Variants in PPP1R13B observed in about 807,000 individuals in gnomAD.
PPP1R13B encodes the protein apoptosis-stimulating of p53 protein 1.
Under a neutral mutation model 119.8 loss-of-function variants are expected in PPP1R13B, and 44 were observed. The observed-to-expected ratio is 0.37, with a 90% CI of 0.29 to 0.47. PPP1R13B has a LOEUF of 0.47. PPP1R13B is among the 20% of genes least tolerant of loss of function. The pLI is 0.99. For synonymous variants in PPP1R13B, 542 were observed against 561.5 expected (o/e 0.97, Z 0.49); for missense variants, 1,227 against 1,413.5 (o/e 0.87, Z 2.12).
chr14:103,827,327 C>G (rs1161738978), intron 1 of PPP1R13B, among the ~76,000 whole-genome samples: 1 of 151,824 alleles, frequency 6.6e-6, no homozygotes, highest in Non-Finnish European at 1.5e-5. Flanking sequence ...CAGAGCGAGA[C>G]TCCAAAAAAA....
At chr14:103,771,264 G>A (rs2152004823) in intron 4 of PPP1R13B, among the ~76,000 whole-genome samples, 1 of 152,098 alleles carries the variant, frequency 6.6e-6, no homozygotes, top group South Asian at 2.1e-4. Context: ...ACTTTATCCA[G>A]GTGTCAAAAA....
chr14:103,834,368 T>A (rs1247106649), intron 1 of PPP1R13B, among the ~76,000 whole-genome samples: 1 of 151,928 alleles, frequency 6.6e-6, no homozygotes, highest in African/African-American at 2.4e-5. Context: ...AGAGTGAGAC[T>A]CTGTCTCAAA....
At chr14:103,796,037 A>C (rs997889867) in intron 2 of PPP1R13B, among the ~76,000 whole-genome samples, 2 of 152,148 alleles carry the variant, frequency 1.3e-5, no homozygotes, top group African/African-American at 2.4e-5. Flanking sequence ...CACACCTGTA[A>C]TCCCAGCACT....
At chr14:103,746,179 T>C (rs1335652145) in intron 9 of PPP1R13B, among the ~76,000 whole-genome samples, 194 bp downstream of exon 9, 1 of 152,174 alleles carries the variant, frequency 6.6e-6, no homozygotes. Flanking sequence ...TCAGTAAAAA[T>C]AACTTGTTTT....
At chr14:103,847,586 C>T (rs913145362), upstream of PPP1R13B, 3 of 986,356 alleles carry the variant, frequency 3.0e-6, no homozygotes, top group Non-Finnish European at 3.6e-6. Flanking sequence ...GCGGCCCGCC[C>T]GCCCGGCTCG....
intron 1 of PPP1R13B, among the ~76,000 whole-genome samples, chr14:103,800,685 A>C (rs567960899): frequency 2.0e-5 from 3 of 152,086 alleles, no homozygotes; most frequent in Non-Finnish European, 4.4e-5. Context: ...ACAAAAAAAA[A>C]GATTTTTTTT....
rs71126071 is a variant in PPP1R13B at position 103,798,993 on chromosome 14, T to TTTTGTTTG, written c.10-1483_10-1476dup. The stretch of plus-strand genomic sequence containing the variant: ...ATGTGAGCCACTACACCTGGTGTTT[T>TTTTGTTTG]TTTGTTTGTTTGTTTGTTTTTCTTG... On this transcript the variant is annotated intron_variant, in intron 1 of 16. Coordinates refer to ENST00000202556, the MANE Select transcript of PPP1R13B (RefSeq NM_015316.3). Among the ~76,000 whole-genome samples the TTTTGTTTG allele has an allele frequency of 1.8e-3, 268 of 150,114 alleles. 1 individual carries two copies. The highest frequency in any genetic ancestry group is 6.5e-3 in the African/African-American group (263 of 40,704).
rs186444495 is a variant in PPP1R13B, at chr14:103,802,090, A to G, written c.10-4572T>C. 3.3e-3 allele frequency among the ~76,000 whole-genome samples: 501 copies of G among 152,356 alleles called. 2 individuals carry two copies. Among genetic ancestry groups the G allele is most frequent in the African/African-American group, 0.011 (473 of 41,592 alleles). The stretch of plus-strand genomic sequence containing the variant: ...TAATACTTTAACAGTTTCATCAGAA[A>G]CAACTGGAATATAGTTTTATTCTTA... On this transcript the variant is annotated intron_variant, in intron 1 of 16. Coordinates refer to ENST00000202556, the MANE Select transcript of PPP1R13B (RefSeq NM_015316.3).
chr14:103,761,312 G>A (rs1453318524), intron 4 of PPP1R13B, among the ~76,000 whole-genome samples: 1 of 140,324 alleles, frequency 7.1e-6, no homozygotes, highest in Non-Finnish European at 1.5e-5. Context: ...ATTTTGCTAT[G>A]TGCCAAAAAG....
At chr14:103,823,126 C>T (rs1160942747) in intron 1 of PPP1R13B, among the ~76,000 whole-genome samples, 1 of 152,052 alleles carries the variant, frequency 6.6e-6, no homozygotes, top group African/African-American at 2.4e-5. Context: ...ATCATGAGGT[C>T]AGGAGATCGA....
At chr14:103,847,204 A>C in intron 1 of PPP1R13B, 95 bp downstream of exon 1, 1 of 1,031,998 alleles carries the variant, frequency 9.7e-7, no homozygotes, top group Non-Finnish European at 1.2e-6. Context: ...CCGGCCTCGC[A>C]CCGGCCCGCG....
At chr14:103,794,748 T>C (rs980664674) in intron 2 of PPP1R13B, 7 of 325,240 alleles carry the variant, frequency 2.2e-5, no homozygotes, top group Non-Finnish European at 4.2e-5. Flanking sequence ...CTCCCTTTGA[T>C]GGCATCCACT....
chr14:103,847,301 G>A lies in PPP1R13B; in HGVS notation c.7C>T (p.Pro3Ser). The A allele has an allele frequency of 3.2e-6, 4 of 1,247,836 alleles. No homozygotes were observed. The highest frequency in any genetic ancestry group is 1.7e-5 in the South Asian group (1 of 59,984). The allele number at this position is 1,247,836 out of a possible 1,614,324, so 77.3% of individuals were successfully genotyped here. A position where few individuals can be genotyped will look rare whatever the true frequency, so the allele number is the denominator to read the frequency against. The change falls in exon 1 of 17, where the codon CCG becomes TCG. Residue 3 changes from proline to serine, a missense_variant and splice_region_variant. Transcript: ENST00000202556. ...ACCTCCCGCCCGCCCTCACCCACCG[G>A]CATCATCGCGGGGAGAGTCCGCGAC... MMPMILTVFLSNN... is the reference protein window; with the variant it reads MMSMILTVFLSNN...
At chr14:103,847,700 G>A, upstream of PPP1R13B, 1 of 858,114 alleles carries the variant, frequency 1.2e-6, no homozygotes. Flanking sequence ...GAGGGGCGGG[G>A]CTTCCCGGCT....
At chr14:103,820,652 A>ATTTTTTTTTTTT (rs35928276) in intron 1 of PPP1R13B, among the ~76,000 whole-genome samples, 3 of 102,592 alleles carry the variant, frequency 2.9e-5, no homozygotes, top group Non-Finnish European at 1.9e-5. Context: ...CATGCCCAGG[A>ATTTTTTTTTTTT]TTTTTTTTTT....
At chr14:103,786,987 C>T (rs1360231253) in intron 2 of PPP1R13B, among the ~76,000 whole-genome samples, 3 of 150,322 alleles carry the variant, frequency 2.0e-5, no homozygotes, top group South Asian at 2.1e-4. Context: ...GGATTACGGG[C>T]GTGAGCCACC....
At chr14:103,796,365 T>C (rs1414742850) in intron 2 of PPP1R13B, among the ~76,000 whole-genome samples, 3 of 152,088 alleles carry the variant, frequency 2.0e-5, no homozygotes, top group Non-Finnish European at 4.4e-5. Flanking sequence ...AATATACACA[T>C]GAAAAGATTT....
At chr14:103,745,485 T>C (rs543865946) in intron 9 of PPP1R13B, among the ~76,000 whole-genome samples, 1 of 152,380 alleles carries the variant, frequency 6.6e-6, no homozygotes, top group Admixed American at 6.5e-5. Flanking sequence ...GAAAGTCTTA[T>C]TGCAAGGAAG....
rs371745701 is a variant in PPP1R13B at position 103,741,818 on chromosome 14, G to C, written c.1794C>G (p.His598Gln). The change falls in exon 11 of 17, where the codon CAC becomes CAG. Residue 598 changes from histidine (H) to glutamine (Q), a missense_variant. Transcript: ENST00000202556. Reference sequence around the variant, plus strand: ...CTTTAACTGACTTATTTAAGGCGCTGTGTGCTGCCGGCTGGTAATTCTTAG... The same window carrying C: ...CTTTAACTGACTTATTTAAGGCGCTCTGTGCTGCCGGCTGGTAATTCTTAG... ...TPPKNYQPAAHSALNKSVKAV... is the reference protein window; with the variant it reads ...TPPKNYQPAAQSALNKSVKAV... 8.7e-6 allele frequency: 14 copies of C among 1,614,096 alleles called. No homozygotes were observed. The highest frequency in any genetic ancestry group is 1.2e-5 in the Non-Finnish European group (14 of 1,180,030).
Sources: gnomAD v4.1 joint callset for allele counts (sites outside exome capture counted in the v4.1 genomes callset) on GRCh38, gnomAD v4.1.1 for gene constraint, MANE v1.5 for transcripts, NCBI Gene and HGNC (gene_info 2026-07-23, HGNC 2026-07-21) for gene names.